Variants in FAM186A observed in about 807,000 individuals in gnomAD.
The protein encoded by FAM186A is protein FAM186A.
In FAM186A, 163 loss-of-function variants were observed where a neutral mutation model predicts 216.8. The ratio of observed to expected loss-of-function variants is 0.75; its 90% CI spans 0.66 to 0.86. The LOEUF is 0.86. Ranked by LOEUF, FAM186A falls within the 40% of genes least tolerant of loss-of-function variation. The pLI, the probability that FAM186A is intolerant of heterozygous loss-of-function variation, is 0.00. For missense variants in FAM186A, 2,184 were observed against 2,746.2 expected (o/e 0.80, Z 4.58); for synonymous variants, 805 against 1,025.3 (o/e 0.79, Z 4.10).
chr12:50,354,830 T>C lies in FAM186A; in HGVS notation c.2002A>G (p.Asn668Asp), dbSNP rs1005136124. Reference sequence around the variant, plus strand: ...ATGGCTTCCTGAAATTCTTCGAGGTTACTCTGTTCACTTTTGCCATCTGGA... The same window carrying C: ...ATGGCTTCCTGAAATTCTTCGAGGTCACTCTGTTCACTTTTGCCATCTGGA... ...ESPDGKSEQS[N>D]LEEFQEAIMA... Residue 668 changes from asparagine (N) to aspartate (D), a missense_variant, in exon 4 of 8, where the codon AAC becomes GAC. Transcript: ENST00000327337. 3 of 1,543,070 alleles carry C rather than the reference T, an allele frequency of 1.9e-6. No homozygotes were observed. The highest frequency in any genetic ancestry group is 4.1e-5 in the Admixed American group (2 of 49,226).
rs987251254 is a variant in FAM186A, at chr12:50,331,835, T to C, written c.6697-14A>G. 1 of 1,508,428 alleles carries C rather than the reference T, an allele frequency of 6.6e-7. No homozygotes were observed. Among genetic ancestry groups the C allele is most frequent in the South Asian group, 1.3e-5 (1 of 76,926 alleles). 93.4% of individuals were successfully genotyped at this position (1,508,428 alleles called of 1,614,324 possible). ...TATCTTTTTGAGCTATAAAAAAAAA[T>C]AGATCAGAAAAAGGAAACCATGAAA... is the stretch of plus-strand genomic sequence containing the variant. On this transcript the variant is annotated splice_polypyrimidine_tract_variant and intron_variant, in intron 5 of 7. Coordinates refer to ENST00000327337, the MANE Select transcript of FAM186A (RefSeq NM_001145475.3).
Position 50,332,086 on chromosome 12 carries a change from G to T in FAM186A, c.6697-265C>A, listed in dbSNP as rs1942662151. Among the ~76,000 whole-genome samples the T allele has an allele frequency of 3.3e-5, 5 of 152,126 alleles. No homozygotes were observed. The South Asian group carries it at 8.3e-4, about 25-fold the overall frequency. ...TTTGGGATAGTTGCTTAATTTATCT[G>T]CACTTCTTTCTCCTCATTTCTAAAA... is the stretch of plus-strand genomic sequence containing the variant. On this transcript the variant is annotated intron_variant, in intron 5 of 7. Transcript: ENST00000327337.
chr12:50,384,419 T>C (rs1001625418), intron 1 of FAM186A, among the ~76,000 whole-genome samples: 2 of 152,100 alleles, frequency 1.3e-5, no homozygotes, highest in African/African-American at 4.8e-5. Context: ...AGCCAGACCA[T>C]GTCTCTAAAC....
intron 1 of FAM186A, among the ~76,000 whole-genome samples, chr12:50,381,137 G>A (rs1043867532): frequency 2.0e-5 from 3 of 152,326 alleles, no homozygotes; most frequent in Middle Eastern, 3.4e-3. Context: ...GGCTTAGGGA[G>A]TTTCTAGGTC....
chr12:50,338,615 T>C (rs79865892), intron 4 of FAM186A, among the ~76,000 whole-genome samples: 2,715 of 152,326 alleles, frequency 0.018, 82 homozygotes, highest in African/African-American at 0.061. Flanking sequence ...AGTCTATGTT[T>C]AAGAGAAAGC....
At position 50,351,022 on chromosome 12, in the gene FAM186A, G is replaced by GA; in HGVS notation, c.5809dup (p.Ser1937PhefsTer17). The GA allele has an allele frequency of 6.4e-7, 1 of 1,551,530 alleles. No homozygotes were observed. Among genetic ancestry groups the GA allele is most frequent in the Admixed American group, 2.0e-5 (1 of 50,964 alleles). ...TTTCTGGGGCTTTCCAGGGGCTGGG[G>GA]ACGGCCATAGTGTGGGAGGATGTCT... is the stretch of plus-strand genomic sequence containing the variant. On this transcript the variant is annotated frameshift_variant, in exon 4 of 8. Coordinates refer to ENST00000327337, the MANE Select transcript of FAM186A (RefSeq NM_001145475.3). LOFTEE classifies it high-confidence loss of function.
chr12:50,354,664 T>G lies in FAM186A; in HGVS notation c.2168A>C (p.Gln723Pro). ...TTTAGTCACAGTTTCAGCCACTTTT[T>G]GGAAATATTCCTCCATTTTTGCCTT... is the stretch of plus-strand genomic sequence containing the variant. Reference protein sequence around the residue: ...IIKAKMEEYFQKVAETVTKIL... With the variant: ...IIKAKMEEYFPKVAETVTKIL... The change falls in exon 4 of 8, where the codon CAA becomes CCA. Residue 723 changes from glutamine (Q) to proline (P), a missense_variant. Gln to Pro is a moderately conservative substitution (Grantham distance 76). Coordinates refer to ENST00000327337, the MANE Select transcript of FAM186A (RefSeq NM_001145475.3). 1 of 1,548,268 alleles carries G rather than the reference T, an allele frequency of 6.5e-7. No homozygotes were observed. Among genetic ancestry groups the G allele is most frequent in the Non-Finnish European group, 8.7e-7 (1 of 1,146,356 alleles).
At chr12:50,396,253 A>G in intron 1 of FAM186A, 40 bp downstream of exon 1, 1 of 1,443,246 alleles carries the variant, frequency 6.9e-7, no homozygotes, top group Non-Finnish European at 9.2e-7. Context: ...AAAGTTTAAA[A>G]AGAAAATTGC....
intron 1 of FAM186A, among the ~76,000 whole-genome samples, chr12:50,393,916 T>C (rs1004847998): frequency 6.6e-6 from 1 of 152,224 alleles, no homozygotes; most frequent in African/African-American, 2.4e-5. Context: ...TTTATCGATA[T>C]TTAGCACTCT....
chr12:50,366,052 A>G (rs1010903087), intron 1 of FAM186A: 12 of 749,456 alleles, frequency 1.6e-5, no homozygotes, highest in African/African-American at 1.4e-4. Flanking sequence ...GAAAAGAGCA[A>G]ATACAAGGAA....
chr12:50,332,751 G>T (rs1048877243), intron 5 of FAM186A, among the ~76,000 whole-genome samples: 6 of 152,116 alleles, frequency 3.9e-5, no homozygotes, highest in Non-Finnish European at 8.8e-5. Flanking sequence ...GTTCTGGGCC[G>T]GGCACGGTGG....
intron 1 of FAM186A, among the ~76,000 whole-genome samples, chr12:50,386,516 T>C (rs1265422381): frequency 6.6e-6 from 1 of 152,126 alleles, no homozygotes; most frequent in Non-Finnish European, 1.5e-5. Context: ...TGTATAAATA[T>C]ATCAAAACAT....
chr12:50,376,748 T>TAA (rs1943202337), intron 1 of FAM186A, among the ~76,000 whole-genome samples: 2 of 1,624 alleles, frequency 1.2e-3, no homozygotes, highest in Non-Finnish European at 5.5e-3. Flanking sequence ...CTCTCTCTCT[T>TAA]TTTTTTTTTT....
At chr12:50,336,904 T>C (rs1458285776) in intron 4 of FAM186A, among the ~76,000 whole-genome samples, 1 of 151,762 alleles carries the variant, frequency 6.6e-6, no homozygotes, top group African/African-American at 2.4e-5. Context: ...CGTATATATA[T>C]ATATTGCCTC....
At chr12:50,383,278 A>AG (rs367918491) in intron 1 of FAM186A, among the ~76,000 whole-genome samples, 7 of 49,242 alleles carry the variant, frequency 1.4e-4, no homozygotes, top group African/African-American at 3.1e-4. Context: ...AAAAAAAAAA[A>AG]AGAGAGAGAG....
At chr12:50,389,101 C>T (rs1317909563) in intron 1 of FAM186A, among the ~76,000 whole-genome samples, 2 of 152,012 alleles carry the variant, frequency 1.3e-5, no homozygotes, top group Admixed American at 1.3e-4. Context: ...TGTGATGGCT[C>T]ATGCCTGTAA....
chr12:50,370,291 G>A (rs1467531716), intron 1 of FAM186A, among the ~76,000 whole-genome samples: 2 of 151,668 alleles, frequency 1.3e-5, no homozygotes, highest in Admixed American at 6.6e-5. Context: ...GCGACAGAGT[G>A]ACACTCCATA....
intron 5 of FAM186A, 22 bp downstream of exon 5, chr12:50,333,889 G>C (rs1198457571): frequency 7.1e-6 from 11 of 1,545,668 alleles, no homozygotes; most frequent in Non-Finnish European, 9.6e-6. Context: ...ATGCTGGACA[G>C]AGGGAGTGGA....
In FAM186A at chr12:50,330,601, G is replaced by C. The variant is rs764641446; in HGVS notation, c.7006C>G (p.Arg2336Gly). 6.4e-7 allele frequency: 1 copy of C among 1,550,400 alleles called. No homozygotes were observed. Among genetic ancestry groups the C allele is most frequent in the Admixed American group, 2.0e-5 (1 of 50,790 alleles). ...GATTGGAGGGATGCAAGAGATTTTCGGAAGGTAGACTGCACTTCTAACTGA... is the reference window on the plus strand; with the variant it reads ...GATTGGAGGGATGCAAGAGATTTTCCGAAGGTAGACTGCACTTCTAACTGA... The part of the protein sequence containing the change: ...LLQLEVQSTF[R>G]KSLASLQSRV... The change falls in exon 7 of 8, where the codon CGA (arginine) becomes GGA (glycine). Residue 2336 changes from arginine (R) to glycine (G), a missense_variant. By Grantham distance (125) the Arg-to-Gly change is moderately radical (BLOSUM62 -2). This residue lies in a region of FAM186A where 721 missense variants were observed against 816.4 expected (regional missense o/e 0.88). Transcript: ENST00000327337.
Sources: allele counts gnomAD v4.1 joint callset (sites outside exome capture counted in the v4.1 genomes callset), GRCh38; gene constraint gnomAD v4.1.1; regional missense constraint gnomAD v4.1.1; transcripts MANE v1.5; gene names NCBI Gene and HGNC (gene_info 2026-07-23, HGNC 2026-07-21).